The following PDZD2 variants were observed in gnomAD, a reference collection of about 807,000 sequenced individuals.
PDZD2 encodes PDZ domain-containing protein 2.
A neutral mutation model predicts 220.7 loss-of-function variants in PDZD2; 90 were observed. The ratio of observed to expected loss-of-function variants is 0.41; its 90% CI spans 0.34 to 0.49. PDZD2 has a LOEUF of 0.49. Ranked by LOEUF, PDZD2 falls within the 20% of genes least tolerant of loss-of-function variation. The pLI is 0.28. For synonymous variants in PDZD2, 1,375 were observed against 1,450.5 expected (o/e 0.95, Z 1.18); for missense variants, 3,174 against 3,608.5 (o/e 0.88, Z 3.08).
chr5:31,826,078 G>A (rs1476219021), intron 2 of PDZD2, among the ~76,000 whole-genome samples: 2 of 152,066 alleles, frequency 1.3e-5, no homozygotes, highest in Non-Finnish European at 2.9e-5. Context: ...CAACACAGAG[G>A]GGAAAAGATA....
At chr5:31,772,164 T>A (rs188202232) in intron 1 of PDZD2, among the ~76,000 whole-genome samples, 1 of 152,334 alleles carries the variant, frequency 6.6e-6, no homozygotes, top group Non-Finnish European at 1.5e-5. Context: ...AACAACCTTT[T>A]CCACCAGTTT....
chr5:31,912,825 G>C (rs771003146), intron 2 of PDZD2, among the ~76,000 whole-genome samples: 2 of 152,202 alleles, frequency 1.3e-5, no homozygotes, highest in Non-Finnish European at 2.9e-5. Flanking sequence ...GGAGTTCATA[G>C]GGTGAGGAAC....
Position 32,052,737 on chromosome 5 carries a change from T to C in PDZD2, c.1785+7T>C, listed in dbSNP as rs775407972. 5.0e-6 allele frequency: 8 copies of C among 1,613,372 alleles called. No individual in the cohort carries two copies. The East Asian group carries it at 1.1e-4, about 22-fold the overall frequency. ...GTACAAAGAAAAAGGCAAGGTGAGCTCTTTTCTGCAGACTGTTCTGCCTTC... is the reference window on the plus strand; with the variant it reads ...GTACAAAGAAAAAGGCAAGGTGAGCCCTTTTCTGCAGACTGTTCTGCCTTC... On this transcript the variant is annotated splice_region_variant and intron_variant, in intron 9 of 24. Coordinates refer to ENST00000438447, the MANE Select transcript of PDZD2 (RefSeq NM_178140.4).
At chr5:31,964,679 T>C (rs1403549006) in intron 2 of PDZD2, among the ~76,000 whole-genome samples, 1 of 152,188 alleles carries the variant, frequency 6.6e-6, no homozygotes, top group Non-Finnish European at 1.5e-5. Context: ...TTGGGAAATA[T>C]TTGGTTGGTA....
At chr5:32,065,956 G>A (rs969958250) in intron 14 of PDZD2, among the ~76,000 whole-genome samples, 18 of 151,522 alleles carry the variant, frequency 1.2e-4, no homozygotes, top group Middle Eastern at 3.4e-3. Context: ...CCTGGGAGGC[G>A]GAGGTTGCAG....
At position 31,825,856 on chromosome 5, in the gene PDZD2, C is replaced by T. The variant is rs1472908411; in HGVS notation, c.476+26132C>T. On this transcript the variant is annotated intron_variant, in intron 2 of 24. Coordinates refer to ENST00000438447, the MANE Select transcript of PDZD2 (RefSeq NM_178140.4). ...CTTAAACAATCACAACGGCTGTTTCCATCCAGCAATTGGAGATTGTTTTCG... is the reference window on the plus strand; with the variant it reads ...CTTAAACAATCACAACGGCTGTTTCTATCCAGCAATTGGAGATTGTTTTCG... 2.6e-5 allele frequency among the ~76,000 whole-genome samples: 4 copies of T among 152,180 alleles called. No homozygotes were observed. The East Asian group carries it at 7.7e-4, about 29-fold the overall frequency.
intron 1 of PDZD2, among the ~76,000 whole-genome samples, chr5:31,756,150 A>G (rs1211582414): frequency 6.6e-6 from 1 of 152,124 alleles, no homozygotes; most frequent in Non-Finnish European, 1.5e-5. Context: ...GGAACGGGGA[A>G]ACGCAGAAGC....
chr5:31,867,474 C>T (rs1341459007), intron 2 of PDZD2, among the ~76,000 whole-genome samples: 1 of 152,150 alleles, frequency 6.6e-6, no homozygotes, highest in Non-Finnish European at 1.5e-5. Flanking sequence ...TCCTTCAGGC[C>T]AGGTGAGGGC....
chr5:31,978,317 A>C (rs1310322607), intron 2 of PDZD2, among the ~76,000 whole-genome samples: 1 of 152,070 alleles, frequency 6.6e-6, no homozygotes, highest in East Asian at 1.9e-4. Context: ...GAACAGAAAA[A>C]GGGACTTGAA....
At chr5:31,995,860 A>C in intron 4 of PDZD2, 142 bp downstream of exon 4, 2 of 772,414 alleles carry the variant, frequency 2.6e-6, no homozygotes, top group Non-Finnish European at 4.1e-6. Flanking sequence ...CACAGGAGGA[A>C]ACCAGGCAAG....
At chr5:31,810,027 G>T (rs1754996169) in intron 2 of PDZD2, among the ~76,000 whole-genome samples, 1 of 152,132 alleles carries the variant, frequency 6.6e-6, no homozygotes, top group South Asian at 2.1e-4. Context: ...TTCGGGAATT[G>T]TAATGGTAAT....
At chr5:31,799,813 T>C in intron 2 of PDZD2, 89 bp downstream of exon 2, 1 of 820,262 alleles carries the variant, frequency 1.2e-6, no homozygotes, top group Non-Finnish European at 2.1e-6. Flanking sequence ...TTATGAATCC[T>C]GCCAATAAGA....
intron 2 of PDZD2, among the ~76,000 whole-genome samples, chr5:31,817,060 C>T (rs550500875): frequency 1.3e-5 from 2 of 152,094 alleles, no homozygotes; most frequent in South Asian, 4.2e-4. Context: ...GTGACGGGTG[C>T]CTGTAGTCCC....
chr5:31,798,376 G>A (rs1361049821), intron 1 of PDZD2, among the ~76,000 whole-genome samples: 1 of 152,212 alleles, frequency 6.6e-6, no homozygotes, highest in Non-Finnish European at 1.5e-5. Context: ...CTGGGACGGA[G>A]GCGGGATCTC....
At chr5:32,003,331 C>CCCACA (rs764711883) in intron 5 of PDZD2, among the ~76,000 whole-genome samples, 1 of 69,676 alleles carries the variant, frequency 1.4e-5, no homozygotes, top group Admixed American at 2.0e-4. Flanking sequence ...ACACACACCC[C>CCCACA]CACCACACCA....
chr5:32,084,948 C>CTT lies in PDZD2; in HGVS notation c.3683-2158_3683-2157dup, dbSNP rs745430355. On this transcript the variant is annotated intron_variant, in intron 19 of 24. Coordinates refer to ENST00000438447, the MANE Select transcript of PDZD2 (RefSeq NM_178140.4). ...TGCTTCTCTGCTTTCATTCTGTTGC[C>CTT]TTTTTTTTTTTTTTTTTTTTTTTTT... 5.9e-4 allele frequency among the ~76,000 whole-genome samples: 56 copies of CTT among 94,492 alleles called. 2 individuals are homozygous for CTT. The highest frequency in any genetic ancestry group is 9.4e-4 in the African/African-American group (22 of 23,490). 62.0% of individuals were successfully genotyped at this position (94,492 alleles called of 152,430 possible).
At chr5:31,822,483 C>T (rs2150256972) in intron 2 of PDZD2, 1 of 457,882 alleles carries the variant, frequency 2.2e-6, no homozygotes. Context: ...TCTTTTATTG[C>T]ATCATTTAAA....
chr5:31,688,722 C>T (rs535503599), intron 1 of PDZD2, among the ~76,000 whole-genome samples: 9 of 152,260 alleles, frequency 5.9e-5, no homozygotes, highest in East Asian at 1.9e-4. Context: ...TTACCTCCTG[C>T]GTCCCCTCCC....
chr5:32,093,061 C>T lies in PDZD2; in HGVS notation c.7845+37C>T, dbSNP rs769247548. ...ACAGAAAGCTCAGGAACATGAATTGCGGCCGCGTGAGTGCCCAGGTATGTG... is the reference window on the plus strand; with the variant it reads ...ACAGAAAGCTCAGGAACATGAATTGTGGCCGCGTGAGTGCCCAGGTATGTG... On this transcript the variant is annotated intron_variant, in intron 21 of 24. Transcript: ENST00000438447. 1.5e-5 allele frequency: 17 copies of T among 1,107,122 alleles called. 1 individual carries two copies. The highest frequency in any genetic ancestry group is 4.8e-5 in the East Asian group (2 of 42,072). The allele number at this position is 1,107,122 out of a possible 1,614,324, so 68.6% of individuals were successfully genotyped here. A position where few individuals can be genotyped will look rare whatever the true frequency, so the allele number is the denominator to read the frequency against.
Sources: gnomAD v4.1 joint callset for allele counts (sites outside exome capture counted in the v4.1 genomes callset) on GRCh38, gnomAD v4.1.1 for gene constraint, MANE v1.5 for transcripts, NCBI Gene and HGNC (gene_info 2026-07-23, HGNC 2026-07-21) for gene names.